ZCCHC7: variants seen among roughly 807,000 people sequenced by gnomAD.
ZCCHC7 encodes the protein zinc finger CCHC domain-containing protein 7.
In ZCCHC7, 35 loss-of-function variants were observed where a neutral mutation model predicts 52.0. The ratio of observed to expected loss-of-function variants is 0.67; its 90% CI spans 0.51 to 0.89. The LOEUF (loss-of-function observed/expected upper bound fraction) is 0.89. Among genes scored for constraint, ZCCHC7 ranks in the 40% least tolerant of loss-of-function variants. ZCCHC7 has a pLI of 0.00. For synonymous variants in ZCCHC7, 217 were observed against 221.5 expected (o/e 0.98, Z 0.18); for missense variants, 574 against 649.1 (o/e 0.88, Z 1.26).
At chr9:37,258,420 A>G (rs1826696394) in intron 2 of ZCCHC7, among the ~76,000 whole-genome samples, 1 of 152,186 alleles carries the variant, frequency 6.6e-6, no homozygotes, top group African/African-American at 2.4e-5. Context: ...GATAAGATTT[A>G]GTGACTGGAT....
intron 2 of ZCCHC7, among the ~76,000 whole-genome samples, chr9:37,194,683 T>C (rs924278086): frequency 2.0e-5 from 3 of 152,226 alleles, no homozygotes; most frequent in Non-Finnish European, 2.9e-5. Flanking sequence ...GGAAGGCTTC[T>C]GTGTGAAATT....
At chr9:37,243,271 A>G (rs1376024267) in intron 2 of ZCCHC7, among the ~76,000 whole-genome samples, 2 of 151,824 alleles carry the variant, frequency 1.3e-5, no homozygotes, top group Non-Finnish European at 3.0e-5. Context: ...AAATTTAAAC[A>G]TTATGAAAAC....
intron 3 of ZCCHC7, among the ~76,000 whole-genome samples, chr9:37,302,581 C>T (rs1829085787): frequency 2.0e-5 from 3 of 152,074 alleles, no homozygotes; most frequent in Non-Finnish European, 1.5e-5. Flanking sequence ...TTGTCTTTGT[C>T]GATTATTAGC....
intron 2 of ZCCHC7, among the ~76,000 whole-genome samples, chr9:37,232,330 A>G (rs941010852): frequency 6.6e-6 from 1 of 152,256 alleles, no homozygotes; most frequent in African/African-American, 2.4e-5. Context: ...CTGGCTACAC[A>G]TTAGAATCAT....
intron 2 of ZCCHC7, among the ~76,000 whole-genome samples, chr9:37,206,294 C>G (rs956484839): frequency 3.3e-5 from 5 of 150,848 alleles, no homozygotes; most frequent in African/African-American, 1.2e-4. Context: ...CTCCCTTCCC[C>G]CTTCCCCCTC....
At chr9:37,302,068 C>T (rs1829052816) in intron 2 of ZCCHC7, 120 bp from the exon 3 acceptor site, 2 of 784,974 alleles carry the variant, frequency 2.5e-6, no homozygotes, top group African/African-American at 1.7e-5. Flanking sequence ...TTCAGGTATT[C>T]AACATTTCTC....
chr9:37,353,907 A>C (rs1346142372), intron 7 of ZCCHC7, among the ~76,000 whole-genome samples: 1 of 152,218 alleles, frequency 6.6e-6, no homozygotes, highest in Non-Finnish European at 1.5e-5. Context: ...CCAAAAGAAA[A>C]GATTTCAAAC....
chr9:37,319,082 T>C (rs1016226855), intron 5 of ZCCHC7, among the ~76,000 whole-genome samples: 2 of 152,240 alleles, frequency 1.3e-5, no homozygotes, highest in African/African-American at 4.8e-5. Flanking sequence ...TTCTAATAGA[T>C]GTATACTGTC....
chr9:37,190,833 A>G (rs1320847647), intron 2 of ZCCHC7, among the ~76,000 whole-genome samples: 1 of 152,100 alleles, frequency 6.6e-6, no homozygotes, highest in Non-Finnish European at 1.5e-5. Context: ...AGCCTGACCA[A>G]CATGGAAAAA....
At chr9:37,228,773 A>G (rs570413320) in intron 2 of ZCCHC7, among the ~76,000 whole-genome samples, 3 of 151,740 alleles carry the variant, frequency 2.0e-5, no homozygotes, top group East Asian at 3.9e-4. Context: ...ATAAGAAAAT[A>G]TATTTCTGCA....
At position 37,305,554 on chromosome 9, in the gene ZCCHC7, G is replaced by T; in HGVS notation, c.791G>T (p.Arg264Leu). ...TTTTTCGCCACATAGAAAGTTCGTC[G>T]CTGCTTCCTGTGCTCCAGGAGAGGA... ...KNCPLPRKVR[R>L]CFLCSRRGHL... is the part of the protein sequence containing the mutation. The change falls in exon 5 of 9, where the codon CGC (arginine) becomes CTC (leucine). Residue 264 changes from arginine to leucine, a missense_variant. By Grantham distance (102) the Arg-to-Leu change is moderately radical. Coordinates refer to ENST00000336755, the MANE Select transcript of ZCCHC7 (RefSeq NM_032226.3). 1.9e-6 allele frequency: 3 copies of T among 1,613,490 alleles called. No homozygotes were observed. Among genetic ancestry groups the T allele is most frequent in the Non-Finnish European group, 2.5e-6 (3 of 1,179,842 alleles).
chr9:37,176,747 A>C (rs1297502846), intron 2 of ZCCHC7, among the ~76,000 whole-genome samples: 1 of 152,180 alleles, frequency 6.6e-6, no homozygotes, highest in African/African-American at 2.4e-5. Flanking sequence ...ACAGCATTGC[A>C]GTGTTCCTGC....
chr9:37,345,965 T>G (rs1005171570), intron 6 of ZCCHC7, among the ~76,000 whole-genome samples: 6 of 152,020 alleles, frequency 3.9e-5, no homozygotes, highest in Non-Finnish European at 7.4e-5. Context: ...GTTTTTTTTG[T>G]TTTGGTTTGG....
At chr9:37,343,832 C>T (rs759634975) in intron 6 of ZCCHC7, among the ~76,000 whole-genome samples, 1 of 152,164 alleles carries the variant, frequency 6.6e-6, no homozygotes, top group Non-Finnish European at 1.5e-5. Context: ...ATATTTTAGC[C>T]TGGCAGGCCA....
chr9:37,274,363 G>A (rs1453138527), intron 2 of ZCCHC7, among the ~76,000 whole-genome samples: 1 of 102,892 alleles, frequency 9.7e-6, no homozygotes, highest in East Asian at 3.2e-4. Flanking sequence ...TTTTTGAGAT[G>A]GAGTCTTGCT....
intron 6 of ZCCHC7, among the ~76,000 whole-genome samples, chr9:37,340,262 G>T (rs1820548260): frequency 6.6e-6 from 1 of 152,054 alleles, no homozygotes; most frequent in Admixed American, 6.6e-5. Context: ...GTTTACTGGT[G>T]CATGAAAAGC....
At chr9:37,176,792 C>A (rs1822057926) in intron 2 of ZCCHC7, among the ~76,000 whole-genome samples, 1 of 152,042 alleles carries the variant, frequency 6.6e-6, no homozygotes, top group African/African-American at 2.4e-5. Flanking sequence ...TTAGCTAAGG[C>A]TAAATTAGGG....
chr9:37,307,829 A>G (rs1829400651), intron 5 of ZCCHC7, among the ~76,000 whole-genome samples: 1 of 152,288 alleles, frequency 6.6e-6, no homozygotes, highest in East Asian at 1.9e-4. Context: ...TTTATACTTA[A>G]ATTGTTACCC....
At chr9:37,270,636 C>T (rs919122565) in intron 2 of ZCCHC7, among the ~76,000 whole-genome samples, 2 of 150,258 alleles carry the variant, frequency 1.3e-5, no homozygotes, top group Non-Finnish European at 3.0e-5. Context: ...GAGCCAAGAT[C>T]GCGTCACTGC....
Sources: allele counts gnomAD v4.1 joint callset (sites outside exome capture counted in the v4.1 genomes callset), GRCh38; gene constraint gnomAD v4.1.1; transcripts MANE v1.5; gene names NCBI Gene and HGNC (gene_info 2026-07-23, HGNC 2026-07-21).